The following PHC2 variants were observed in gnomAD, a reference collection of about 807,000 sequenced individuals.
The protein encoded by PHC2 is polyhomeotic homolog 2.
In PHC2, 29 loss-of-function variants were observed where a neutral mutation model predicts 87.4. The observed-to-expected ratio is 0.33, with a 90% CI of 0.25 to 0.45. PHC2 has a LOEUF of 0.45. PHC2 is among the 20% of genes least tolerant of loss of function. PHC2 has a pLI of 1.00. For missense variants in PHC2, 857 were observed against 1,136.7 expected (o/e 0.75, Z 3.54); for synonymous variants, 438 against 461.7 (o/e 0.95, Z 0.66).
intron 3 of PHC2, 133 bp downstream of exon 3, chr1:33,372,156 G>C: frequency 6.1e-6 from 5 of 818,886 alleles, no homozygotes; most frequent in Non-Finnish European, 9.4e-6. Flanking sequence ...AGTAGTGCTC[G>C]TGTCACAAGG....
In PHC2 at chr1:33,324,608, T is replaced by C. The variant is rs1368489720; in HGVS notation, c.*257A>G. On this transcript the variant is annotated 3_prime_UTR_variant, in exon 15 of 15. Coordinates refer to ENST00000683057, the MANE Select transcript of PHC2 (RefSeq NM_001385109.1). The stretch of plus-strand genomic sequence containing the variant: ...GAGCGGGGCTAGAGTATTGGGACTT[T>C]GGAGGAAGCCAGTGCTATCAATATT... 2.5e-6 allele frequency: 1 copy of C among 393,598 alleles called. No homozygotes were observed. The highest frequency in any genetic ancestry group is 4.6e-6 in the Non-Finnish European group (1 of 217,778). 24.4% of individuals were successfully genotyped at this position (393,598 alleles called of 1,614,324 possible). A position where few individuals can be genotyped will look rare whatever the true frequency, so the allele number is the denominator to read the frequency against.
intron 7 of PHC2, among the ~76,000 whole-genome samples, chr1:33,356,889 C>G (rs550887702): frequency 2.6e-4 from 39 of 152,292 alleles, no homozygotes; most frequent in African/African-American, 9.4e-4. Context: ...GCCCCCCCAC[C>G]TCCCAGACGG....
chr1:33,412,228 C>G (rs761866360), intron 1 of PHC2, among the ~76,000 whole-genome samples: 1 of 152,154 alleles, frequency 6.6e-6, no homozygotes, highest in South Asian at 2.1e-4. Flanking sequence ...GTAAATTGAT[C>G]GAGGTCACAA....
chr1:33,325,654 C>T, intron 14 of PHC2: 1 of 320,296 alleles, frequency 3.1e-6, no homozygotes, highest in South Asian at 2.5e-5. Context: ...CACCAGGAGC[C>T]TCATACCAGG....
At chr1:33,378,505 A>G (rs1648295547) in intron 1 of PHC2, among the ~76,000 whole-genome samples, 1 of 152,194 alleles carries the variant, frequency 6.6e-6, no homozygotes, top group African/African-American at 2.4e-5. Context: ...GAAAATCTCA[A>G]CTGAAGTACT....
chr1:33,366,114 T>C (rs1341139742), intron 7 of PHC2, among the ~76,000 whole-genome samples: 5 of 152,262 alleles, frequency 3.3e-5, no homozygotes, highest in Admixed American at 3.3e-4. Context: ...CAAAGATGTA[T>C]TGAGATATAT....
chr1:33,398,531 TTTTC>T (rs1468525537), intron 1 of PHC2, among the ~76,000 whole-genome samples: 4 of 152,230 alleles, frequency 2.6e-5, no homozygotes, highest in Non-Finnish European at 5.9e-5. Context: ...TCATTTATCC[TTTTC>T]TTTATTTTCC....
chr1:33,345,465 T>C (rs561597877), intron 9 of PHC2: 1 of 749,696 alleles, frequency 1.3e-6, no homozygotes, highest in East Asian at 1.3e-4. Flanking sequence ...GGAAAGCATA[T>C]CCTTTTTCAC....
In PHC2 at chr1:33,430,023, G is replaced by C. The variant is rs111978525; in HGVS notation, c.-55+953C>G. Reference sequence around the variant, plus strand: ...CATCTCTCCTCCTACCATTTCTATTGTCGCAAAAGCTAAATTACACTGTGA... The same window carrying C: ...CATCTCTCCTCCTACCATTTCTATTCTCGCAAAAGCTAAATTACACTGTGA... On this transcript the variant is annotated intron_variant, in intron 1 of 14. Transcript: ENST00000683057. Among the ~76,000 whole-genome samples, 923 of 152,190 alleles carry C rather than the reference G, an allele frequency of 6.1e-3. 16 individuals are homozygous for C. Among genetic ancestry groups the C allele is most frequent in the African/African-American group, 0.021 (886 of 41,518 alleles).
At chr1:33,376,229 T>G (rs1648171403) in intron 1 of PHC2, among the ~76,000 whole-genome samples, 1 of 152,210 alleles carries the variant, frequency 6.6e-6, no homozygotes, top group Non-Finnish European at 1.5e-5. Context: ...GAGACAGGGT[T>G]TCGCCATGTT....
intron 14 of PHC2, among the ~76,000 whole-genome samples, chr1:33,328,163 G>A (rs547106307): frequency 1.3e-5 from 2 of 152,272 alleles, no homozygotes; most frequent in Non-Finnish European, 2.9e-5. Context: ...GAAGGCATCT[G>A]TGAATGATGT....
At chr1:33,430,834 GGCC>G (rs1488505409) in intron 1 of PHC2, 139 bp downstream of exon 1, 80 of 150,272 alleles carry the variant, frequency 5.3e-4, no homozygotes, top group African/African-American at 1.9e-3. Flanking sequence ...CGCCCCGCGC[GGCC>G]CGTCCCGGCC....
At chr1:33,374,033 C>T (rs1366626305) in intron 2 of PHC2, among the ~76,000 whole-genome samples, 1 of 152,194 alleles carries the variant, frequency 6.6e-6, no homozygotes, top group Admixed American at 6.5e-5. Context: ...CTGACGTGAA[C>T]ACCCCTCTCC....
chr1:33,354,950 G>A lies in PHC2; in HGVS notation c.1280C>T (p.Thr427Ile), dbSNP rs199932964. 33 of 1,614,118 alleles carry A rather than the reference G, an allele frequency of 2.0e-5. No individual in the cohort carries two copies. The highest frequency in any genetic ancestry group is 3.3e-5 in the Admixed American group (2 of 60,014). Residue 427 changes from threonine (T) to isoleucine (I), a missense_variant, in exon 8 of 15, where the codon ACA becomes ATA. Transcript: ENST00000683057. ...TCCATTCTGAGGCCCAGTATCAGGT[G>A]TGGGAGGGTGACACTGCTGACTGCC... ...PGGSQQCHPP[T>I]PDTGPQNGHP...
intron 7 of PHC2, among the ~76,000 whole-genome samples, chr1:33,366,644 G>T (rs1039250859): frequency 4.6e-5 from 7 of 152,184 alleles, no homozygotes; most frequent in African/African-American, 1.7e-4. Context: ...TGCACACCTA[G>T]AATTGGCAAC....
At chr1:33,395,718 A>G (rs1649266769) in intron 1 of PHC2, among the ~76,000 whole-genome samples, 1 of 152,216 alleles carries the variant, frequency 6.6e-6, no homozygotes, top group Non-Finnish European at 1.5e-5. Context: ...AACTTTTCAT[A>G]AGAAAATTTG....
At position 33,375,609 on chromosome 1, in the gene PHC2, C is replaced by T. The variant is rs543571887; in HGVS notation, c.-54-16G>A. 8.6e-6 allele frequency: 12 copies of T among 1,397,270 alleles called. No homozygotes were observed. Among genetic ancestry groups the T allele is most frequent in the Non-Finnish European group, 1.1e-5 (12 of 1,058,486 alleles). The allele number at this position is 1,397,270 out of a possible 1,614,324, so 86.6% of individuals were successfully genotyped here. A position where few individuals can be genotyped will look rare whatever the true frequency, so the allele number is the denominator to read the frequency against. ...CAGGCAGATGCTAGGAGGGAAGAGG[C>T]AGAAGTGAATGTTTTGACAGACGCT... On this transcript the variant is annotated splice_polypyrimidine_tract_variant and intron_variant, in intron 1 of 14. Coordinates refer to ENST00000683057, the MANE Select transcript of PHC2 (RefSeq NM_001385109.1).
At chr1:33,329,171 GA>G (rs778535726) in intron 13 of PHC2, 25 bp from the exon 14 acceptor site, 4 of 1,601,922 alleles carry the variant, frequency 2.5e-6, no homozygotes, top group Non-Finnish European at 2.6e-6. Context: ...TTTTCTTCAG[GA>G]TGGGGGAACA....
intron 14 of PHC2, chr1:33,325,909 TGA>T: frequency 2.2e-6 from 1 of 456,644 alleles, no homozygotes. Flanking sequence ...TAAGGTGCTT[TGA>T]GAGACTGTAT....
Sources: allele counts gnomAD v4.1 joint callset (sites outside exome capture counted in the v4.1 genomes callset), GRCh38; gene constraint gnomAD v4.1.1; transcripts MANE v1.5; gene names NCBI Gene and HGNC (gene_info 2026-07-23, HGNC 2026-07-21).